DCHS2: variants seen among roughly 807,000 people sequenced by gnomAD.
The protein encoded by DCHS2 is protocadherin-23.
DCHS2 carries 142 observed loss-of-function variants against 182.4 expected under a neutral mutation model. The ratio of observed to expected loss-of-function variants is 0.78; its 90% confidence interval spans 0.68 to 0.89. DCHS2 has a LOEUF of 0.89. Ranked by LOEUF, DCHS2 falls within the 40% of genes least tolerant of loss-of-function variation. The pLI is 0.00. For synonymous variants in DCHS2, 1,740 were observed against 1,663.3 expected, an observed-to-expected ratio of 1.05 and a Z score of -1.12; for missense variants, 4,319 against 4,198.6, an observed-to-expected ratio of 1.03 and a Z score of -0.79.
intron 13 of DCHS2, among the ~76,000 whole-genome samples, chr4:154,282,591 C>T (rs76560611): frequency 0.017 from 2,553 of 151,890 alleles, 69 homozygotes; most frequent in African/African-American, 0.058. Context: ...TAAAATGGTG[C>T]AGCCCACTAT....
Position 154,470,438 on chromosome 4 carries a change from T to C in DCHS2, c.2052+18866A>G, listed in dbSNP as rs112559096. ...AGGAGTTCTAGGCTGCAGTGAGCCA[T>C]GATTGCACCACTGTACTTCAGCCTG... On this transcript the variant is annotated intron_variant, in intron 1 of 19. Coordinates refer to ENST00000357232, the MANE Select transcript of DCHS2 (RefSeq NM_001358235.2). 5.4e-3 allele frequency among the ~76,000 whole-genome samples: 822 copies of C among 151,066 alleles called. 4 individuals are homozygous for C. Among genetic ancestry groups the C allele is most frequent in the African/African-American group, 0.018 (753 of 41,062 alleles).
intron 1 of DCHS2, among the ~76,000 whole-genome samples, chr4:154,424,846 C>A (rs1168346247): frequency 6.6e-6 from 1 of 152,216 alleles, no homozygotes; most frequent in Admixed American, 6.5e-5. Flanking sequence ...ACTCCTCTAT[C>A]ACAAGGTAAT....
rs1178095376 is a variant in DCHS2, at chr4:154,490,900, C to A, written c.456G>T (p.Gln152His). The A allele has an allele frequency of 4.5e-6, 7 of 1,551,268 alleles. 1 individual carries two copies. The South Asian group carries it at 7.1e-5, about 16-fold the overall frequency. ...TCACGTCGTTGACGCGAATCTCCAC[C>A]TGCACCACAGCGCCCAGCAGCGTGG... ...VAATLLGAVVQVEIRVNDVND... is the reference protein window; with the variant it reads ...VAATLLGAVVHVEIRVNDVND... Residue 152 changes from glutamine to histidine, a missense_variant, in exon 1 of 20, where the codon CAG becomes CAT. Physicochemically the swap from Gln to His is conservative, Grantham distance 24. Transcript: ENST00000357232.
At chr4:154,264,370 TATG>T (rs530255927) in intron 14 of DCHS2, among the ~76,000 whole-genome samples, 5 of 151,946 alleles carry the variant, frequency 3.3e-5, no homozygotes, top group African/African-American at 1.2e-4. Context: ...CCCTTGGAAA[TATG>T]AGCAAGGAAC....
At chr4:154,260,071 C>T (rs914955570) in intron 14 of DCHS2, among the ~76,000 whole-genome samples, 5 of 152,192 alleles carry the variant, frequency 3.3e-5, no homozygotes, top group Non-Finnish European at 7.3e-5. Flanking sequence ...ATTCACCTGC[C>T]TTGGCCTCTG....
intron 9 of DCHS2, among the ~76,000 whole-genome samples, chr4:154,319,470 C>T (rs927775664): frequency 2.6e-5 from 4 of 151,244 alleles, no homozygotes; most frequent in South Asian, 4.2e-4. Context: ...AAAAAAACTC[C>T]TACAACTAAA....
chr4:154,234,533 G>A lies in DCHS2; in HGVS notation c.*3C>T, dbSNP rs1731349083. 1 of 1,600,336 alleles carries A rather than the reference G, an allele frequency of 6.2e-7. No homozygotes were observed. The highest frequency in any genetic ancestry group is 1.3e-5 in the African/African-American group (1 of 74,624). On this transcript the variant is annotated 3_prime_UTR_variant, in exon 20 of 20. Transcript: ENST00000357232. ...TGAGCAGGTACTTGGCATCCCAGTG[G>A]TTTCATATTTGAACTTCATCTTCTG...
Position 154,259,734 on chromosome 4 carries a change from G to T in DCHS2, c.6600C>A (p.Pro2200=). ...TTCTGACTTCAAAATCAAGAAACTT[G>T]GGTTCTTTCACAGTGAGTTGTCCTA... ...SKSGQLTVKE[P]KFLDFEVRNE... The change falls in exon 15 of 20, where the codon CCC becomes CCA. Residue 2200 remains proline (P), a synonymous_variant. Coordinates refer to ENST00000357232, the MANE Select transcript of DCHS2 (RefSeq NM_001358235.2). 1.2e-6 allele frequency: 2 copies of T among 1,613,718 alleles called. No homozygotes were observed. Among genetic ancestry groups the T allele is most frequent in the East Asian group, 4.5e-5 (2 of 44,832 alleles).
Position 154,351,130 on chromosome 4 carries a change from G to A in DCHS2, c.2476+15080C>T, listed in dbSNP as rs991308033. ...TTGTCTTATGTTCAGCATGACCAGTGAGAAGCAGAGGGATTTGGGGAATGG... is the reference window on the plus strand; with the variant it reads ...TTGTCTTATGTTCAGCATGACCAGTAAGAAGCAGAGGGATTTGGGGAATGG... On this transcript the variant is annotated intron_variant, in intron 3 of 19. Coordinates refer to ENST00000357232, the MANE Select transcript of DCHS2 (RefSeq NM_001358235.2). 3.3e-5 allele frequency among the ~76,000 whole-genome samples: 5 copies of A among 152,330 alleles called. No homozygotes were observed. The East Asian group carries it at 9.6e-4, about 29-fold the overall frequency.
chr4:154,390,056 A>C (rs1308300527), intron 1 of DCHS2, among the ~76,000 whole-genome samples: 1 of 151,920 alleles, frequency 6.6e-6, no homozygotes, highest in East Asian at 1.9e-4. Context: ...AAATTATTTC[A>C]GTGAACTGAC....
At position 154,235,870 on chromosome 4, in the gene DCHS2, C is replaced by A. The variant is rs199850135; in HGVS notation, c.8782G>T (p.Val2928Leu). The change falls in exon 20 of 20, where the codon GTA (valine) becomes TTA (leucine). Residue 2928 changes from valine to leucine, a missense_variant. Transcript: ENST00000357232. ...TAAATATTTCCATTGGTTTTATTTA[C>A]TGAAAAGAAAGGAGATGAGGTTCCA... ...SLGTSSPFFS[V>L]NKTNGNIYLI... 2 of 1,613,934 alleles carry A rather than the reference C, an allele frequency of 1.2e-6. No homozygotes were observed. Among genetic ancestry groups the A allele is most frequent in the East Asian group, 4.5e-5 (2 of 44,840 alleles).
chr4:154,457,681 C>G (rs1315226000), intron 1 of DCHS2, among the ~76,000 whole-genome samples: 2 of 152,164 alleles, frequency 1.3e-5, no homozygotes, highest in African/African-American at 4.8e-5. Context: ...ACAGGGTGAG[C>G]TGAATTGACA....
chr4:154,489,180 A>G, intron 1 of DCHS2, 124 bp downstream of exon 1: 1 of 833,424 alleles, frequency 1.2e-6, no homozygotes, highest in Non-Finnish European at 1.8e-6. Flanking sequence ...AGGGGGCACT[A>G]CCGCCAGTCT....
At chr4:154,271,875 G>A (rs1230456229) in intron 13 of DCHS2, among the ~76,000 whole-genome samples, 2 of 151,892 alleles carry the variant, frequency 1.3e-5, no homozygotes, top group Non-Finnish European at 2.9e-5. Flanking sequence ...TATTTTCTAT[G>A]ATCAGTATCA....
At chr4:154,430,199 T>G (rs1483268525) in intron 1 of DCHS2, among the ~76,000 whole-genome samples, 1 of 151,986 alleles carries the variant, frequency 6.6e-6, no homozygotes, top group Non-Finnish European at 1.5e-5. Flanking sequence ...CAAATGTGAG[T>G]CTAAAACCTG....
intron 3 of DCHS2, among the ~76,000 whole-genome samples, chr4:154,351,554 A>C (rs1729610025): frequency 6.6e-6 from 1 of 152,142 alleles, no homozygotes; most frequent in Admixed American, 6.5e-5. Context: ...GTTTTTAGCT[A>C]TTCAATATAT....
At position 154,444,857 on chromosome 4, in the gene DCHS2, T is replaced by G. The variant is rs189001935; in HGVS notation, c.2052+44447A>C. On this transcript the variant is annotated intron_variant, in intron 1 of 19. Transcript: ENST00000357232. ...TCCACGCGCCCCGTTCATTCCTCAT[T>G]TAGCTCCAGCCACAGTGCCCTCCTG... 4.5e-3 allele frequency among the ~76,000 whole-genome samples: 686 copies of G among 152,306 alleles called. 5 individuals carry two copies. The highest frequency in any genetic ancestry group is 6.5e-3 in the Non-Finnish European group (440 of 68,028).
intron 1 of DCHS2, among the ~76,000 whole-genome samples, chr4:154,405,453 C>CATAT (rs59533046): frequency 1.5e-4 from 22 of 146,648 alleles, no homozygotes; most frequent in Non-Finnish European, 2.1e-4. Flanking sequence ...CATATTTATT[C>CATAT]ATATATATAT....
At chr4:154,273,139 C>A (rs1012640661) in intron 13 of DCHS2, among the ~76,000 whole-genome samples, 1 of 152,066 alleles carries the variant, frequency 6.6e-6, no homozygotes, top group African/African-American at 2.4e-5. Context: ...AAAAAGATAC[C>A]TGTGTATGCG....
Sources: allele counts gnomAD v4.1 joint callset (sites outside exome capture counted in the v4.1 genomes callset), GRCh38; gene constraint gnomAD v4.1.1; transcripts MANE v1.5; gene names NCBI Gene and HGNC (gene_info 2026-07-23, HGNC 2026-07-21).